Variants in BMPR1B observed in about 807,000 individuals in gnomAD.
BMPR1B encodes the protein bone morphogenetic protein receptor type-1B.
In BMPR1B, 12 loss-of-function variants were observed where a neutral mutation model predicts 59.1. The ratio of observed to expected loss-of-function variants is 0.20; its 90% CI spans 0.13 to 0.33. The LOEUF is 0.33. Among genes scored for constraint, BMPR1B ranks in the 10% least tolerant of loss-of-function variants. The pLI is 1.00. For synonymous variants in BMPR1B, 237 were observed against 207.3 expected (o/e 1.14, Z -1.23); for missense variants, 550 against 610.9 (o/e 0.90, Z 1.05).
chr4:94,835,129 T>C (rs1724756248), intron 1 of BMPR1B, among the ~76,000 whole-genome samples: 1 of 152,016 alleles, frequency 6.6e-6, no homozygotes, highest in Non-Finnish European at 1.5e-5. Flanking sequence ...TTCTATAAGG[T>C]GTTAAAATTT....
intron 3 of BMPR1B, chr4:95,091,719 A>C (rs1730003419): frequency 2.2e-6 from 2 of 928,616 alleles, no homozygotes; most frequent in Admixed American, 1.2e-4. Context: ...CAATTCTGGC[A>C]CAATAAAAGC....
intron 2 of BMPR1B, among the ~76,000 whole-genome samples, chr4:94,973,098 T>G (rs889255241): frequency 6.6e-6 from 1 of 152,172 alleles, no homozygotes; most frequent in African/African-American, 2.4e-5. Context: ...AAACTCCATG[T>G]GGGTCCCGTG....
intron 8 of BMPR1B, among the ~76,000 whole-genome samples, chr4:95,128,101 G>A (rs535458091): frequency 6.6e-6 from 1 of 152,102 alleles, no homozygotes; most frequent in African/African-American, 2.4e-5. Context: ...GCCCAGGCTG[G>A]TCTTGAACTC....
chr4:95,061,546 A>G (rs1727396747), intron 3 of BMPR1B, among the ~76,000 whole-genome samples: 1 of 152,166 alleles, frequency 6.6e-6, no homozygotes, highest in African/African-American at 2.4e-5. Context: ...AAGCACCTAC[A>G]TTTGAAAAAA....
intron 2 of BMPR1B, among the ~76,000 whole-genome samples, chr4:94,943,628 A>G (rs370233218): frequency 2.6e-5 from 4 of 152,328 alleles, no homozygotes; most frequent in Non-Finnish European, 4.4e-5. Flanking sequence ...GTTTTCCCAT[A>G]CCTAGTAAGT....
chr4:94,928,257 G>T (rs553001396), intron 2 of BMPR1B, among the ~76,000 whole-genome samples: 2 of 151,542 alleles, frequency 1.3e-5, no homozygotes, highest in Non-Finnish European at 2.9e-5. Flanking sequence ...CAAGCTCTTG[G>T]ACTCAAGAGA....
chr4:95,132,877 C>T (rs909179210), intron 10 of BMPR1B, among the ~76,000 whole-genome samples: 23 of 152,168 alleles, frequency 1.5e-4, no homozygotes, highest in Non-Finnish European at 1.5e-5. Context: ...TCTCTATTGC[C>T]ATCACCCTAT....
intron 3 of BMPR1B, among the ~76,000 whole-genome samples, chr4:95,100,178 C>T (rs79612396): frequency 0.011 from 1,682 of 152,150 alleles, 21 homozygotes; most frequent in African/African-American, 0.037. Flanking sequence ...TAGCAGGTAC[C>T]TATTCCATCT....
At chr4:94,815,983 C>A (rs1446574915) in intron 1 of BMPR1B, among the ~76,000 whole-genome samples, 1 of 152,056 alleles carries the variant, frequency 6.6e-6, no homozygotes, top group African/African-American at 2.4e-5. Flanking sequence ...TTTTCATAGA[C>A]TGTAGTCTAT....
intron 1 of BMPR1B, among the ~76,000 whole-genome samples, chr4:94,795,915 G>T (rs1344422126): frequency 1.3e-5 from 2 of 151,822 alleles, no homozygotes; most frequent in Non-Finnish European, 2.9e-5. Context: ...GTGATATCTG[G>T]CATAGAGACG....
intron 10 of BMPR1B, among the ~76,000 whole-genome samples, chr4:95,133,738 A>AT (rs113650137): frequency 0.024 from 3,411 of 144,144 alleles, 89 homozygotes; most frequent in East Asian, 0.074. Context: ...TGCCTGGCTA[A>AT]TTTTTTTTTT....
chr4:95,130,278 C>CT (rs1218939867), intron 9 of BMPR1B, among the ~76,000 whole-genome samples: 1 of 152,128 alleles, frequency 6.6e-6, no homozygotes, highest in Non-Finnish European at 1.5e-5. Context: ...ATGGAATACT[C>CT]TCAAATATTT....
At chr4:95,145,514 TCCATTCC>T (rs796642661) in intron 10 of BMPR1B, among the ~76,000 whole-genome samples, 106 of 152,304 alleles carry the variant, frequency 7.0e-4, no homozygotes, top group African/African-American at 2.5e-3. Context: ...TGACTCTACT[TCCATTCC>T]CTTTTTCTTC....
intron 9 of BMPR1B, among the ~76,000 whole-genome samples, chr4:95,130,496 G>T (rs778073782): frequency 1.3e-5 from 2 of 152,100 alleles, no homozygotes; most frequent in Non-Finnish European, 2.9e-5. Context: ...TAGAAGGAGA[G>T]TAAGCTAATC....
chr4:94,951,283 G>A (rs1729924595), intron 2 of BMPR1B, among the ~76,000 whole-genome samples: 1 of 152,094 alleles, frequency 6.6e-6, no homozygotes, highest in Non-Finnish European at 1.5e-5. Flanking sequence ...TTGCCTGATT[G>A]CCCTGGCCAG....
intron 2 of BMPR1B, among the ~76,000 whole-genome samples, chr4:94,890,181 C>T (rs1727335160): frequency 6.6e-6 from 1 of 152,038 alleles, no homozygotes; most frequent in South Asian, 2.1e-4. Flanking sequence ...TTGCATATAA[C>T]AAGAAGCCTG....
intron 2 of BMPR1B, among the ~76,000 whole-genome samples, chr4:94,920,290 T>G (rs1728640056): frequency 6.6e-6 from 1 of 152,218 alleles, no homozygotes. Context: ...AAGAAAATAT[T>G]GCCTAGAATT....
chr4:95,007,889 C>A (rs1195475541), intron 3 of BMPR1B, among the ~76,000 whole-genome samples: 1 of 151,950 alleles, frequency 6.6e-6, no homozygotes, highest in Non-Finnish European at 1.5e-5. Context: ...AGGTACAAGT[C>A]ATTTAAGAAA....
At chr4:95,039,824 A>G (rs1193030000) in intron 3 of BMPR1B, among the ~76,000 whole-genome samples, 1 of 152,134 alleles carries the variant, frequency 6.6e-6, no homozygotes, top group African/African-American at 2.4e-5. Context: ...TATTTGGCCC[A>G]AGACAGTTCC....
Sources: gnomAD v4.1 joint callset for allele counts (sites outside exome capture counted in the v4.1 genomes callset) on GRCh38, gnomAD v4.1.1 for gene constraint, MANE v1.5 for transcripts, NCBI Gene and HGNC (gene_info 2026-07-23, HGNC 2026-07-21) for gene names.